The following CDH12 variants were observed in gnomAD, a reference collection of about 807,000 sequenced individuals.
CDH12 encodes cadherin 12.
Under a neutral mutation model 74.1 loss-of-function variants are expected in CDH12, and 41 were observed. That is an observed-to-expected ratio of 0.55 (90% CI 0.43 to 0.72). The LOEUF is 0.72. Ranked by LOEUF, CDH12 falls within the 30% of genes least tolerant of loss-of-function variation. The pLI is 0.00. For synonymous variants in CDH12, 399 were observed against 355.0 expected (o/e 1.12, Z -1.39); for missense variants, 945 against 977.2 (o/e 0.97, Z 0.44).
At chr5:22,472,665 C>T (rs895248483) in intron 2 of CDH12, among the ~76,000 whole-genome samples, 2 of 152,000 alleles carry the variant, frequency 1.3e-5, no homozygotes, top group African/African-American at 4.8e-5. Flanking sequence ...ATCCTAGATA[C>T]ATCTCTATTT....
At chr5:22,407,529 G>T (rs1742989961) in intron 2 of CDH12, among the ~76,000 whole-genome samples, 1 of 125,808 alleles carries the variant, frequency 7.9e-6, no homozygotes, top group Admixed American at 8.9e-5. Flanking sequence ...CGTAAAAGAT[G>T]ATTTTTTTTT....
intron 1 of CDH12, among the ~76,000 whole-genome samples, chr5:22,508,494 G>T (rs1015367752): frequency 2.6e-5 from 4 of 152,124 alleles, no homozygotes; most frequent in Non-Finnish European, 5.9e-5. Context: ...AACATAGGTA[G>T]ATCTTTTTCT....
intron 8 of CDH12, among the ~76,000 whole-genome samples, chr5:21,834,293 C>T (rs1749409149): frequency 6.6e-6 from 1 of 151,816 alleles, no homozygotes; most frequent in African/African-American, 2.4e-5. Flanking sequence ...ACACACACAA[C>T]ATCAAAGTTC....
chr5:22,457,071 A>G (rs964201054), intron 2 of CDH12, among the ~76,000 whole-genome samples: 1 of 152,176 alleles, frequency 6.6e-6, no homozygotes, highest in African/African-American at 2.4e-5. Flanking sequence ...TTCAGAGTTC[A>G]GACACTGATC....
At chr5:22,831,351 T>TTG (rs1554007029) in intron 1 of CDH12, among the ~76,000 whole-genome samples, 12,117 of 138,460 alleles carry the variant, frequency 0.088, 638 homozygotes, top group Middle Eastern at 0.14. Flanking sequence ...GTTTTGGAGT[T>TTG]TGTGTGTGTG....
chr5:21,956,598 T>C (rs1011235296), intron 6 of CDH12, among the ~76,000 whole-genome samples: 4 of 152,078 alleles, frequency 2.6e-5, no homozygotes, highest in African/African-American at 9.7e-5. Flanking sequence ...TACTTTATGG[T>C]TATTTTTGTG....
intron 1 of CDH12, among the ~76,000 whole-genome samples, chr5:22,560,853 A>T (rs910551552): frequency 1.3e-5 from 2 of 152,174 alleles, no homozygotes. Context: ...TTAGTTTAAC[A>T]AAAGCAAGAT....
At chr5:22,752,018 A>G (rs1348877252) in intron 1 of CDH12, among the ~76,000 whole-genome samples, 1 of 152,186 alleles carries the variant, frequency 6.6e-6, no homozygotes, top group Non-Finnish European at 1.5e-5. Flanking sequence ...GATGCCGTAT[A>G]GTTTAATTGC....
At chr5:22,080,502 T>C (rs1742651972) in intron 4 of CDH12, among the ~76,000 whole-genome samples, 1 of 152,108 alleles carries the variant, frequency 6.6e-6, no homozygotes, top group Non-Finnish European at 1.5e-5. Flanking sequence ...GTAAGTTGTC[T>C]TTTTTTGCAT....
At chr5:22,363,314 T>C (rs1320616078) in intron 3 of CDH12, among the ~76,000 whole-genome samples, 3 of 152,174 alleles carry the variant, frequency 2.0e-5, no homozygotes, top group Non-Finnish European at 4.4e-5. Context: ...TCTCAGCATA[T>C]GTCTTTCCAG....
intron 2 of CDH12, among the ~76,000 whole-genome samples, chr5:22,450,896 T>TC: frequency 8.6e-6 from 1 of 116,412 alleles, no homozygotes; most frequent in East Asian, 2.5e-4. Context: ...TTTTTTTTTT[T>TC]CCTAAGGAGC....
At chr5:22,615,198 A>G (rs1737634572) in intron 1 of CDH12, among the ~76,000 whole-genome samples, 1 of 152,120 alleles carries the variant, frequency 6.6e-6, no homozygotes, top group Admixed American at 6.6e-5. Context: ...GTGTAATGAC[A>G]ACAATTCCAG....
At chr5:22,823,064 A>T (rs577672134) in intron 1 of CDH12, among the ~76,000 whole-genome samples, 6 of 152,214 alleles carry the variant, frequency 3.9e-5, no homozygotes, top group East Asian at 1.9e-4. Flanking sequence ...TAAAAAATGA[A>T]GAGTTCATGT....
chr5:22,252,915 A>T (rs1753183089), intron 3 of CDH12, among the ~76,000 whole-genome samples: 1 of 151,864 alleles, frequency 6.6e-6, no homozygotes, highest in South Asian at 2.1e-4. Context: ...ATGTTATCAG[A>T]TGTGTAATTT....
chr5:21,998,915 T>G (rs1365017287), intron 5 of CDH12, among the ~76,000 whole-genome samples: 1 of 152,152 alleles, frequency 6.6e-6, no homozygotes. Context: ...TTACTATAAC[T>G]TATGCATGTT....
At chr5:22,832,519 G>T (rs1016201047) in intron 1 of CDH12, among the ~76,000 whole-genome samples, 2 of 152,102 alleles carry the variant, frequency 1.3e-5, no homozygotes, top group Non-Finnish European at 2.9e-5. Flanking sequence ...GGTGAGATAC[G>T]CAGAGAGGTC....
chr5:22,215,231 AG>A (rs1357939105), intron 3 of CDH12, among the ~76,000 whole-genome samples: 1 of 152,204 alleles, frequency 6.6e-6, no homozygotes, highest in African/African-American at 2.4e-5. Context: ...ACTAAAAGTC[AG>A]GTTACTGTAA....
At chr5:22,080,590 ATGTGCCTTTTTAGTT>A (rs1349724279) in intron 4 of CDH12, among the ~76,000 whole-genome samples, 1 of 152,146 alleles carries the variant, frequency 6.6e-6, no homozygotes, top group African/African-American at 2.4e-5. Flanking sequence ...CTCTAGTCAC[ATGTGCCTTTTTAGTT>A]AAAAATTGGC....
chr5:22,809,677 A>C (rs550236548), intron 1 of CDH12, among the ~76,000 whole-genome samples: 2 of 152,148 alleles, frequency 1.3e-5, no homozygotes, highest in South Asian at 2.1e-4. Flanking sequence ...TTAGAGGGAA[A>C]TATTTCATTA....
Sources: gnomAD v4.1 joint callset for allele counts (sites outside exome capture counted in the v4.1 genomes callset) on GRCh38, gnomAD v4.1.1 for gene constraint, MANE v1.5 for transcripts, NCBI Gene and HGNC (gene_info 2026-07-23, HGNC 2026-07-21) for gene names.